The following CNTN5 variants were observed in gnomAD, a reference collection of about 807,000 sequenced individuals.
CNTN5 encodes contactin 5, also known as contactin-5.
In CNTN5, 77 loss-of-function variants were observed where a neutral mutation model predicts 129.1. The observed-to-expected ratio is 0.60, with a 90% confidence interval of 0.50 to 0.72. The LOEUF (loss-of-function observed/expected upper bound fraction) is 0.72. Among genes scored for constraint, CNTN5 ranks in the 30% least tolerant of loss-of-function variants. The pLI is 0.00. For missense variants in CNTN5, 1,478 were observed against 1,328.8 expected (o/e 1.11, Z -1.75); for synonymous variants, 509 against 465.6 (o/e 1.09, Z -1.20).
chr11:99,962,878 T>C (rs1448407201), intron 8 of CNTN5, among the ~76,000 whole-genome samples: 1 of 150,598 alleles, frequency 6.6e-6, no homozygotes, highest in East Asian at 1.9e-4. Flanking sequence ...TATCTCATTG[T>C]GGTTTTGATT....
intron 18 of CNTN5, among the ~76,000 whole-genome samples, chr11:100,278,051 A>C (rs1950553979): frequency 6.6e-6 from 1 of 152,120 alleles, no homozygotes; most frequent in South Asian, 2.1e-4. Flanking sequence ...TCCCAGAACT[A>C]TTTAGTGAAG....
At chr11:99,185,315 A>G (rs1858286902) in intron 1 of CNTN5, among the ~76,000 whole-genome samples, 2 of 151,852 alleles carry the variant, frequency 1.3e-5, no homozygotes, top group African/African-American at 4.8e-5. Context: ...CTTAACAAAT[A>G]TTTATTGAGT....
At chr11:100,186,062 A>C (rs773063519) in intron 13 of CNTN5, among the ~76,000 whole-genome samples, 21 of 152,272 alleles carry the variant, frequency 1.4e-4, no homozygotes, top group Non-Finnish European at 2.8e-4. Flanking sequence ...AGCCAAACAT[A>C]GATATGGAGA....
chr11:99,109,556 C>A (rs1215389932), intron 1 of CNTN5, among the ~76,000 whole-genome samples: 1 of 152,138 alleles, frequency 6.6e-6, no homozygotes, highest in Non-Finnish European at 1.5e-5. Flanking sequence ...TCTTGTATCC[C>A]ATTCCATCAC....
At chr11:99,772,899 C>T (rs957855094) in intron 3 of CNTN5, among the ~76,000 whole-genome samples, 3 of 152,118 alleles carry the variant, frequency 2.0e-5, no homozygotes, top group African/African-American at 7.2e-5. Flanking sequence ...ATAATTCAGT[C>T]TTTGTCCTAT....
chr11:99,540,310 TTTG>T (rs1948055556), intron 2 of CNTN5, among the ~76,000 whole-genome samples: 1 of 152,158 alleles, frequency 6.6e-6, no homozygotes, highest in Admixed American at 6.6e-5. Flanking sequence ...ATATTAGGAT[TTTG>T]TTATTATTTT....
chr11:99,961,828 C>T (rs1217109002), intron 8 of CNTN5, among the ~76,000 whole-genome samples: 1 of 152,128 alleles, frequency 6.6e-6, no homozygotes, highest in Non-Finnish European at 1.5e-5. Context: ...TCCCTGTCCT[C>T]ACACCAAAGC....
chr11:99,887,207 T>C (rs1948924052), intron 6 of CNTN5, among the ~76,000 whole-genome samples: 1 of 152,206 alleles, frequency 6.6e-6, no homozygotes, highest in South Asian at 2.1e-4. Context: ...CCTAAGGCAG[T>C]CAATAACATA....
At chr11:99,420,212 T>G (rs547638534) in intron 2 of CNTN5, among the ~76,000 whole-genome samples, 10 of 152,182 alleles carry the variant, frequency 6.6e-5, no homozygotes, top group African/African-American at 2.2e-4. Context: ...ACTTGAACAA[T>G]TAGTCATCTG....
intron 2 of CNTN5, among the ~76,000 whole-genome samples, chr11:99,551,025 C>T (rs145928591): frequency 0.014 from 2,067 of 152,226 alleles, 17 homozygotes; most frequent in Admixed American, 0.021. Flanking sequence ...TATGAAATAA[C>T]TGCATAAAAA....
intron 2 of CNTN5, among the ~76,000 whole-genome samples, chr11:99,511,839 T>G (rs1946848667): frequency 6.6e-6 from 1 of 151,452 alleles, no homozygotes; most frequent in Admixed American, 6.6e-5. Flanking sequence ...TTTAAATAAA[T>G]AAATAAATAA....
intron 2 of CNTN5, among the ~76,000 whole-genome samples, chr11:99,440,563 T>A (rs930748493): frequency 2.6e-5 from 4 of 152,180 alleles, no homozygotes; most frequent in Non-Finnish European, 5.9e-5. Context: ...AATCACTAGT[T>A]GGGCAAGATT....
chr11:99,958,442 A>T (rs983558597), intron 8 of CNTN5, among the ~76,000 whole-genome samples: 2 of 152,326 alleles, frequency 1.3e-5, no homozygotes, highest in African/African-American at 4.8e-5. Context: ...GTAGTTAAAA[A>T]TGAGGAATTC....
At chr11:99,545,704 A>G (rs1286939685) in intron 2 of CNTN5, among the ~76,000 whole-genome samples, 1 of 152,204 alleles carries the variant, frequency 6.6e-6, no homozygotes, top group Non-Finnish European at 1.5e-5. Context: ...TATATTCTGC[A>G]AATTATATGT....
At chr11:99,123,494 C>G (rs1027881993) in intron 1 of CNTN5, among the ~76,000 whole-genome samples, 6 of 151,904 alleles carry the variant, frequency 3.9e-5, no homozygotes, top group Non-Finnish European at 8.8e-5. Context: ...TGTAGGTTTT[C>G]TGTTTGTTGA....
chr11:99,253,407 A>G (rs1862214637), intron 1 of CNTN5, among the ~76,000 whole-genome samples: 1 of 152,020 alleles, frequency 6.6e-6, no homozygotes, highest in African/African-American at 2.4e-5. Context: ...ATTTGGCCAT[A>G]TTTACGTCAA....
At chr11:100,273,182 T>A (rs917259441) in intron 18 of CNTN5, among the ~76,000 whole-genome samples, 1 of 151,842 alleles carries the variant, frequency 6.6e-6, no homozygotes, top group African/African-American at 2.4e-5. Context: ...CACAATAGCT[T>A]CTCCTCTGGC....
chr11:99,868,829 G>C (rs1160800426), intron 6 of CNTN5, among the ~76,000 whole-genome samples: 1 of 152,176 alleles, frequency 6.6e-6, no homozygotes, highest in Admixed American at 6.6e-5. Flanking sequence ...ACATTCATCA[G>C]CAAATAAGAG....
At chr11:99,169,042 C>T (rs1202256278) in intron 1 of CNTN5, among the ~76,000 whole-genome samples, 1 of 152,204 alleles carries the variant, frequency 6.6e-6, no homozygotes, top group African/African-American at 2.4e-5. Flanking sequence ...GCTTTATGAA[C>T]TGTACATGTA....
Sources: gnomAD v4.1 joint callset for allele counts (sites outside exome capture counted in the v4.1 genomes callset) on GRCh38, gnomAD v4.1.1 for gene constraint, MANE v1.5 for transcripts, NCBI Gene and HGNC (gene_info 2026-07-23, HGNC 2026-07-21) for gene names.